GON4L: variants seen among roughly 807,000 people sequenced by gnomAD.
GON4L encodes the protein gon-4 like, also known as GON-4-like protein.
Under a neutral mutation model 211.8 loss-of-function variants are expected in GON4L, and 87 were observed. That is an observed-to-expected ratio of 0.41 (90% confidence interval 0.35 to 0.49). GON4L has a LOEUF of 0.49. Ranked by LOEUF, GON4L falls within the 20% of genes least tolerant of loss-of-function variation. The probability of loss-of-function intolerance (pLI) is 0.15; values close to 1 mark genes in which losing one functional copy is unlikely to be tolerated. For synonymous variants in GON4L, 875 were observed against 962.6 expected (o/e 0.91, Z 1.68); for missense variants, 2,155 against 2,659.5 (o/e 0.81, Z 4.17).
rs752465159 is a variant in GON4L at position 155,771,085 on chromosome 1, A to C, written c.2628T>G (p.Ala876=). 6.2e-7 allele frequency: 1 copy of C among 1,614,114 alleles called. No individual in the cohort carries two copies. The highest frequency in any genetic ancestry group is 1.1e-5 in the South Asian group (1 of 91,078). Residue 876 remains alanine (A), a synonymous_variant, in exon 19 of 32, where the codon GCT becomes GCG. Coordinates refer to ENST00000368331, the MANE Select transcript of GON4L (RefSeq NM_001282860.2). The part of the protein sequence containing the change: ...VRIKNLNMNR[A]PDNIIKFYKK... The stretch of plus-strand genomic sequence containing the variant: ...CACTCACTTTAATGATGTTGTCAGG[A>C]GCTCTGTTCATGTTGAGGTTCTTGA...
intron 14 of GON4L, among the ~76,000 whole-genome samples, chr1:155,781,645 T>C (rs1175822638): frequency 2.6e-5 from 4 of 151,822 alleles, no homozygotes; most frequent in South Asian, 2.1e-4. Flanking sequence ...TTATTTTTAG[T>C]AGAGACGGGG....
chr1:155,770,951 G>C (rs1663130779), intron 19 of GON4L, 116 bp downstream of exon 19: 1 of 1,406,598 alleles, frequency 7.1e-7, no homozygotes, highest in Admixed American at 1.7e-5. Context: ...CTAGTGTAAA[G>C]TGGGAGAAAT....
At chr1:155,841,002 T>G (rs567755053) in intron 2 of GON4L, among the ~76,000 whole-genome samples, 5 of 152,262 alleles carry the variant, frequency 3.3e-5, no homozygotes, top group African/African-American at 1.2e-4. Flanking sequence ...GCCATGGCAC[T>G]CCGGCCTGGG....
At chr1:155,785,824 C>T (rs530188668) in intron 12 of GON4L, among the ~76,000 whole-genome samples, 3 of 152,238 alleles carry the variant, frequency 2.0e-5, no homozygotes, top group South Asian at 2.1e-4. Flanking sequence ...AGGCCGGGAG[C>T]GGTGGCTCAT....
intron 15 of GON4L, among the ~76,000 whole-genome samples, chr1:155,777,306 C>A (rs550266163): frequency 6.6e-6 from 1 of 152,280 alleles, no homozygotes; most frequent in African/African-American, 2.4e-5. Flanking sequence ...AACAGCAGGG[C>A]GCAGTGGCTC....
chr1:155,822,360 T>G lies in GON4L; in HGVS notation c.814A>C (p.Met272Leu), dbSNP rs766841227. Residue 272 changes from methionine to leucine, a missense_variant, in exon 4 of 32, where the codon ATG becomes CTG. Met to Leu is a conservative substitution (Grantham distance 15). Coordinates refer to ENST00000368331, the MANE Select transcript of GON4L (RefSeq NM_001282860.2). ...CCATCCTCCAAGGTACGGTCAAGCA[T>G]GTCATCCAGTTTCAGGTCATATGCC... ...TLAYDLKLDD[M>L]LDRTLEDGAK... 5.6e-6 allele frequency: 9 copies of G among 1,614,104 alleles called. No homozygotes were observed. In the Admixed American group the frequency reaches 1.5e-4, roughly 27 times the overall value.
At chr1:155,780,606 A>AAAAT (rs1234442698) in intron 14 of GON4L, among the ~76,000 whole-genome samples, 1 of 142,842 alleles carries the variant, frequency 7.0e-6, no homozygotes, top group Non-Finnish European at 1.6e-5. Context: ...AAAATAAAAT[A>AAAAT]AAATAAATAA....
chr1:155,756,712 G>A (rs972665581), intron 27 of GON4L: 4 of 430,298 alleles, frequency 9.3e-6, no homozygotes, highest in Middle Eastern at 6.9e-4. Context: ...ATCACTTGAG[G>A]TAAGGAGTTC....
intron 19 of GON4L, among the ~76,000 whole-genome samples, 162 bp downstream of exon 19, chr1:155,770,905 G>A (rs1304272116): frequency 2.0e-5 from 3 of 152,182 alleles, no homozygotes; most frequent in African/African-American, 4.8e-5. Context: ...AATACTGCCA[G>A]CGGAATATTG....
rs1395575383 is a variant in GON4L, at chr1:155,807,730, A to AAAG, written c.1453-2590_1453-2589insCTT. On this transcript the variant is annotated intron_variant, in intron 10 of 31. Coordinates refer to ENST00000368331, the MANE Select transcript of GON4L (RefSeq NM_001282860.2). ...AAAAAAAAAAAAAAAAAAAAAGAAA[A>AAAG]TCAGAAAGTGTGAGACCTCCATCTT... is the stretch of plus-strand genomic sequence containing the variant. Among the ~76,000 whole-genome samples, 749 of 143,768 alleles carry AAAG rather than the reference A, an allele frequency of 5.2e-3. 29 individuals carry two copies. Among genetic ancestry groups the AAAG allele is most frequent in the African/African-American group, 0.019 (727 of 38,342 alleles). The allele number at this position is 143,768 out of a possible 152,430, so 94.3% of individuals were successfully genotyped here.
intron 2 of GON4L, among the ~76,000 whole-genome samples, chr1:155,832,295 A>G (rs970195892): frequency 6.6e-6 from 1 of 151,042 alleles, no homozygotes; most frequent in Non-Finnish European, 1.5e-5. Context: ...AAAAAAAAAA[A>G]AAAAAAAGAA....
At chr1:155,831,046 C>T (rs1172849609) in intron 2 of GON4L, among the ~76,000 whole-genome samples, 1 of 152,122 alleles carries the variant, frequency 6.6e-6, no homozygotes, top group Non-Finnish European at 1.5e-5. Context: ...TGGCTGTAAT[C>T]CCAGCACTTT....
rs761389947 is a variant in GON4L at position 155,757,304 on chromosome 1, T to C, written c.5273A>G (p.Gln1758Arg). The C allele has an allele frequency of 6.2e-7, 1 of 1,613,818 alleles. No homozygotes were observed. Among genetic ancestry groups the C allele is most frequent in the South Asian group, 1.1e-5 (1 of 91,074 alleles). ...EITELKTQMW[Q>R]LLKGHDHLQD... ...CAGGTGGTCGTGGCCCTTGAGGAGCTGCCACATCTGTGTCTTGAGCTGAGG... is the reference window on the plus strand; with the variant it reads ...CAGGTGGTCGTGGCCCTTGAGGAGCCGCCACATCTGTGTCTTGAGCTGAGG... Residue 1758 changes from glutamine (Q) to arginine (R), a missense_variant, in exon 26 of 32, where the codon CAG (glutamine) becomes CGG (arginine). Gln to Arg is a conservative substitution (Grantham distance 43). Transcript: ENST00000368331.
Position 155,784,002 on chromosome 1 carries a change from T to C in GON4L, c.1876A>G (p.Thr626Ala), listed in dbSNP as rs1052830180. The C allele has an allele frequency of 1.2e-5, 19 of 1,613,798 alleles. No individual in the cohort carries two copies. The highest frequency in any genetic ancestry group is 1.6e-5 in the Non-Finnish European group (19 of 1,179,778). ...CVAEPRPNFN[T>A]PQALRFEEPL... Reference sequence around the variant, plus strand: ...CTAGCCTACCGTAGAGCTTGAGGGGTGTTAAAGTTAGGACGAGGCTCAGCT... The same window carrying C: ...CTAGCCTACCGTAGAGCTTGAGGGGCGTTAAAGTTAGGACGAGGCTCAGCT... The change falls in exon 14 of 32, where the codon ACC becomes GCC. Residue 626 changes from threonine (T) to alanine (A), a missense_variant. Transcript: ENST00000368331.
In GON4L at chr1:155,814,312, T is replaced by A; in HGVS notation, c.1281+18A>T. ...AGACAGTTATGTCTAACATCTCTTT[T>A]GTATGATGCCGATTTACCTCTGATA... On this transcript the variant is annotated intron_variant, in intron 9 of 31. Coordinates refer to ENST00000368331, the MANE Select transcript of GON4L (RefSeq NM_001282860.2). 6.2e-7 allele frequency: 1 copy of A among 1,608,378 alleles called. No homozygotes were observed. Among genetic ancestry groups the A allele is most frequent in the Non-Finnish European group, 8.5e-7 (1 of 1,175,572 alleles).
intron 2 of GON4L, among the ~76,000 whole-genome samples, chr1:155,837,859 T>C (rs889697736): frequency 1.3e-5 from 2 of 152,230 alleles, no homozygotes; most frequent in Non-Finnish European, 2.9e-5. Flanking sequence ...AGTTTAGCCA[T>C]GTGAACAGGT....
At chr1:155,838,782 A>AG (rs199679015) in intron 2 of GON4L, among the ~76,000 whole-genome samples, 3 of 150,162 alleles carry the variant, frequency 2.0e-5, no homozygotes, top group African/African-American at 7.3e-5. Context: ...AAAAAAAAAA[A>AG]GAAAAAAAAT....
chr1:155,794,700 C>T (rs1210355535), intron 12 of GON4L, among the ~76,000 whole-genome samples: 1 of 152,106 alleles, frequency 6.6e-6, no homozygotes, highest in Non-Finnish European at 1.5e-5. Flanking sequence ...CATTATTATA[C>T]CTTATGTAAA....
downstream of GON4L, among the ~76,000 whole-genome samples, chr1:155,745,537 G>A (rs1282052487): frequency 1.3e-5 from 2 of 152,256 alleles, no homozygotes; most frequent in African/African-American, 2.4e-5. Context: ...CCCGCGCCCT[G>A]GCGGCCCCAA....
Sources: allele counts gnomAD v4.1 joint callset (sites outside exome capture counted in the v4.1 genomes callset), GRCh38; gene constraint gnomAD v4.1.1; transcripts MANE v1.5; gene names NCBI Gene and HGNC (gene_info 2026-07-23, HGNC 2026-07-21).